SHANK2: variants seen among roughly 807,000 people sequenced by gnomAD.
SHANK2 encodes SH3 and multiple ankyrin repeat domains 2.
A neutral mutation model predicts 133.7 loss-of-function variants in SHANK2; 43 were observed. The ratio of observed to expected loss-of-function variants is 0.32; its 90% CI spans 0.25 to 0.41. The LOEUF is 0.41. Among genes scored for constraint, SHANK2 ranks in the 10% least tolerant of loss-of-function variants. The pLI is 1.00. For synonymous variants in SHANK2, 1,017 were observed against 952.8 expected (o/e 1.07, Z -1.24); for missense variants, 1,994 against 2,235.8 (o/e 0.89, Z 2.18).
At chr11:70,645,477 C>G (rs148072627) in intron 17 of SHANK2, among the ~76,000 whole-genome samples, 1 of 152,118 alleles carries the variant, frequency 6.6e-6, no homozygotes, top group Non-Finnish European at 1.5e-5. Flanking sequence ...GAAGGCTCAT[C>G]GAAAAACACT....
chr11:70,946,279 A>T (rs1256723858), intron 10 of SHANK2, among the ~76,000 whole-genome samples: 4 of 121,024 alleles, frequency 3.3e-5, no homozygotes, highest in East Asian at 2.6e-4. Flanking sequence ...CTCCCTCTCC[A>T]CTAAACAACG....
At chr11:70,628,772 C>T (rs2060938853) in intron 17 of SHANK2, among the ~76,000 whole-genome samples, 1 of 152,218 alleles carries the variant, frequency 6.6e-6, no homozygotes, top group Non-Finnish European at 1.5e-5. Context: ...GGCCCACCTG[C>T]CCTCCCCAGG....
rs73523197 is a variant in SHANK2 at position 70,873,011 on chromosome 11, T to C, written c.1174+23490A>G. 4,283 of 471,280 alleles carry C rather than the reference T, an allele frequency of 9.1e-3. 152 individuals are homozygous for C. Among genetic ancestry groups the C allele is most frequent in the African/African-American group, 0.074 (3,704 of 50,138 alleles). The allele number at this position is 471,280 out of a possible 1,614,324, so 29.2% of individuals were successfully genotyped here. On this transcript the variant is annotated intron_variant, in intron 11 of 25. Coordinates refer to ENST00000601538, the MANE Select transcript of SHANK2 (RefSeq NM_012309.5). Reference sequence around the variant, plus strand: ...AAGCTAAAGACATCCTGGGCACCTGTGAGAAAGGAAGAGCGGAGGTAGTTC... The same window carrying C: ...AAGCTAAAGACATCCTGGGCACCTGCGAGAAAGGAAGAGCGGAGGTAGTTC...
chr11:70,797,287 T>TC (rs1947934620), intron 14 of SHANK2, among the ~76,000 whole-genome samples: 1 of 152,172 alleles, frequency 6.6e-6, no homozygotes, highest in South Asian at 2.1e-4. Context: ...ACACACTCCC[T>TC]CCCACCCAGC....
intron 11 of SHANK2, chr11:70,862,883 G>A (rs949720703): frequency 2.7e-5 from 7 of 257,106 alleles, no homozygotes; most frequent in Non-Finnish European, 5.4e-5. Flanking sequence ...AATTTGGGAG[G>A]AGGAGACATG....
chr11:70,925,689 G>C (rs1181881446), intron 10 of SHANK2, among the ~76,000 whole-genome samples: 1 of 152,186 alleles, frequency 6.6e-6, no homozygotes, highest in East Asian at 1.9e-4. Context: ...ACATGAACAT[G>C]AACTTGAGAG....
chr11:70,670,777 C>A (rs1591730849), intron 15 of SHANK2, among the ~76,000 whole-genome samples: 1 of 152,198 alleles, frequency 6.6e-6, no homozygotes, highest in Non-Finnish European at 1.5e-5. Context: ...CCTGGGGAGG[C>A]CATTGCTGTT....
intron 10 of SHANK2, among the ~76,000 whole-genome samples, chr11:70,938,295 A>C (rs1312016978): frequency 1.3e-5 from 2 of 152,052 alleles, no homozygotes; most frequent in African/African-American, 2.4e-5. Context: ...CCTAGAGGAG[A>C]TGTGCTGAGG....
intron 3 of SHANK2, among the ~76,000 whole-genome samples, chr11:71,141,151 G>A (rs530205156): frequency 5.9e-5 from 9 of 152,316 alleles, no homozygotes; most frequent in Admixed American, 1.3e-4. Context: ...TACATGCTGC[G>A]TTCCGTTTGA....
chr11:70,619,289 C>T (rs11236917), intron 17 of SHANK2, among the ~76,000 whole-genome samples: 9 of 152,158 alleles, frequency 5.9e-5, no homozygotes, highest in Non-Finnish European at 1.2e-4. Flanking sequence ...GCTGAGAGAG[C>T]GGCGTTGGCA....
At chr11:70,787,785 G>A (rs1225583261) in intron 14 of SHANK2, among the ~76,000 whole-genome samples, 2 of 152,150 alleles carry the variant, frequency 1.3e-5, no homozygotes, top group African/African-American at 2.4e-5. Context: ...CTGACCCTGG[G>A]GATGCTCCAG....
chr11:70,592,249 A>C (rs189011048), intron 17 of SHANK2, among the ~76,000 whole-genome samples: 2 of 152,056 alleles, frequency 1.3e-5, no homozygotes, highest in East Asian at 3.9e-4. Context: ...GGAAAGACAG[A>C]GGCAGCTGTC....
chr11:70,891,137 A>T (rs541321017), intron 11 of SHANK2, among the ~76,000 whole-genome samples: 1 of 152,296 alleles, frequency 6.6e-6, no homozygotes, highest in Admixed American at 6.5e-5. Flanking sequence ...TCCTCAGCGT[A>T]TGCGGGCTCC....
chr11:70,904,121 T>G (rs1298395335), intron 10 of SHANK2, among the ~76,000 whole-genome samples: 1 of 152,188 alleles, frequency 6.6e-6, no homozygotes, highest in Non-Finnish European at 1.5e-5. Flanking sequence ...GTTCCTCGCT[T>G]GGTGTTGCCT....
chr11:70,907,433 C>G (rs1047522814), intron 10 of SHANK2, among the ~76,000 whole-genome samples: 9 of 152,174 alleles, frequency 5.9e-5, no homozygotes, highest in African/African-American at 2.2e-4. Context: ...CCAGAGGGAG[C>G]CTTCTAGCAC....
intron 14 of SHANK2, among the ~76,000 whole-genome samples, chr11:70,786,240 C>G (rs2135144629): frequency 6.6e-6 from 1 of 152,324 alleles, no homozygotes; most frequent in South Asian, 2.1e-4. Flanking sequence ...TGGGCTGTCT[C>G]TGGCCTGGCC....
chr11:70,786,954 T>C (rs1459423756), intron 14 of SHANK2, among the ~76,000 whole-genome samples: 4 of 151,540 alleles, frequency 2.6e-5, no homozygotes, highest in African/African-American at 9.7e-5. Flanking sequence ...AAAAACAGCA[T>C]CACCACTATC....
At chr11:71,085,769 ATT>A (rs1951388384) in intron 8 of SHANK2, among the ~76,000 whole-genome samples, 1 of 75,536 alleles carries the variant, frequency 1.3e-5, no homozygotes, top group Non-Finnish European at 2.2e-5. Flanking sequence ...TATAATATAT[ATT>A]ATATTTATAT....
intron 12 of SHANK2, among the ~76,000 whole-genome samples, chr11:70,813,618 T>A (rs1463557960): frequency 6.6e-6 from 1 of 151,866 alleles, no homozygotes; most frequent in African/African-American, 2.4e-5. Context: ...AGTAGGGGAA[T>A]AGAGAAAGCT....
Sources: gnomAD v4.1 joint callset for allele counts (sites outside exome capture counted in the v4.1 genomes callset) on GRCh38, gnomAD v4.1.1 for gene constraint, MANE v1.5 for transcripts, NCBI Gene and HGNC (gene_info 2026-07-23, HGNC 2026-07-21) for gene names.